The following CUX1 variants were observed in gnomAD, a reference collection of about 807,000 sequenced individuals.
CUX1 encodes the protein protein CASP.
A neutral mutation model predicts 158.8 loss-of-function variants in CUX1; 31 were observed. The ratio of observed to expected loss-of-function variants is 0.20; its 90% CI spans 0.15 to 0.26. The LOEUF (loss-of-function observed/expected upper bound fraction) is 0.26. Ranked by LOEUF, CUX1 falls within the 10% of genes least tolerant of loss-of-function variation. The pLI, the probability that CUX1 is intolerant of heterozygous loss-of-function variation, is 1.00. For missense variants in CUX1, 1,589 were observed against 2,014.6 expected (o/e 0.79, Z 4.04); for synonymous variants, 879 against 862.1 (o/e 1.02, Z -0.34).
intron 20 of CUX1, among the ~76,000 whole-genome samples, chr7:102,225,655 G>A (rs1798272814): frequency 6.6e-6 from 1 of 152,180 alleles, no homozygotes; most frequent in Admixed American, 6.5e-5. Flanking sequence ...CTTGAGGCCA[G>A]GAGTTCAGCC....
chr7:102,234,057 C>A lies in CUX1; in HGVS notation c.3439C>A (p.Arg1147Ser). 1 of 1,519,394 alleles carries A rather than the reference C, an allele frequency of 6.6e-7. No homozygotes were observed. The highest frequency in any genetic ancestry group is 8.8e-7 in the Non-Finnish European group (1 of 1,134,086). 94.1% of individuals were successfully genotyped at this position (1,519,394 alleles called of 1,614,324 possible). A position where few individuals can be genotyped will look rare whatever the true frequency, so the allele number is the denominator to read the frequency against. ...EVLTDNNLGQ[R>S]LFGETILGLT... ...TGCTTCTGTTTTCTCTCTAGGCCAGCGCTTATTTGGGGAGACCATCTTAGG... is the reference window on the plus strand; with the variant it reads ...TGCTTCTGTTTTCTCTCTAGGCCAGAGCTTATTTGGGGAGACCATCTTAGG... Residue 1147 changes from arginine to serine, a missense_variant, in exon 22 of 24, where the codon CGC becomes AGC. Coordinates refer to ENST00000292535, the MANE Select transcript of CUX1 (RefSeq NM_181552.4).
intron 2 of CUX1, among the ~76,000 whole-genome samples, chr7:101,986,486 T>C (rs1814310348): frequency 6.6e-6 from 1 of 152,242 alleles, no homozygotes; most frequent in Non-Finnish European, 1.5e-5. Flanking sequence ...CCTGAATGCC[T>C]ATTACAGGCG....
chr7:102,170,325 G>T, intron 9 of CUX1, 121 bp from the exon 10 acceptor site: 1 of 681,948 alleles, frequency 1.5e-6, no homozygotes, highest in South Asian at 2.2e-5. Flanking sequence ...CATTTATTAG[G>T]TTGAGTGTTT....
chr7:102,133,078 A>G (rs1283090685), intron 8 of CUX1, among the ~76,000 whole-genome samples: 2 of 152,154 alleles, frequency 1.3e-5, no homozygotes, highest in African/African-American at 4.8e-5. Context: ...TGCTAAAGTT[A>G]TCTTTCTAAA....
At chr7:101,838,318 C>T (rs1450673419) in intron 1 of CUX1, among the ~76,000 whole-genome samples, 2 of 150,902 alleles carry the variant, frequency 1.3e-5, no homozygotes, top group Non-Finnish European at 3.0e-5. Context: ...TTAGTAGAGA[C>T]GGGCTTTCAC....
chr7:101,837,285 T>TA (rs1178959251), intron 1 of CUX1, among the ~76,000 whole-genome samples: 1 of 152,174 alleles, frequency 6.6e-6, no homozygotes, highest in East Asian at 1.9e-4. Context: ...ATTAAGCAAT[T>TA]ACAATGGTTA....
intron 2 of CUX1, among the ~76,000 whole-genome samples, chr7:101,939,774 CA>C (rs1807467870): frequency 6.6e-6 from 1 of 151,312 alleles, no homozygotes; most frequent in Non-Finnish European, 1.5e-5. Flanking sequence ...CCAGCTGGGG[CA>C]ACATAGTGAG....
intron 2 of CUX1, among the ~76,000 whole-genome samples, chr7:101,970,715 C>A (rs953104340): frequency 1.3e-5 from 2 of 152,044 alleles, no homozygotes; most frequent in African/African-American, 2.4e-5. Context: ...ACGACCATAC[C>A]CGGCTGATTT....
At chr7:102,109,905 TCGTTGAGGGAC>T (rs1830712455) in intron 6 of CUX1, among the ~76,000 whole-genome samples, 2 of 152,248 alleles carry the variant, frequency 1.3e-5, no homozygotes, top group South Asian at 4.1e-4. Flanking sequence ...TCCACAATGA[TCGTTGAGGGAC>T]TGTTCAGTAG....
chr7:102,135,196 G>A (rs192203217), intron 8 of CUX1, among the ~76,000 whole-genome samples: 2 of 152,032 alleles, frequency 1.3e-5, no homozygotes, highest in Non-Finnish European at 2.9e-5. Context: ...GCTAGTGACC[G>A]GAAGCCTTAC....
chr7:102,046,952 G>T (rs1220433229), intron 3 of CUX1, among the ~76,000 whole-genome samples: 1 of 152,130 alleles, frequency 6.6e-6, no homozygotes, highest in East Asian at 1.9e-4. Flanking sequence ...TCGCCAAAGC[G>T]ATCTTGTTGC....
At chr7:101,839,471 G>A (rs1268232441) in intron 1 of CUX1, among the ~76,000 whole-genome samples, 1 of 152,218 alleles carries the variant, frequency 6.6e-6, no homozygotes, top group African/African-American at 2.4e-5. Flanking sequence ...CCACAGTCGT[G>A]AGAGTTTCTT....
intron 2 of CUX1, among the ~76,000 whole-genome samples, chr7:101,999,503 C>T (rs551681201): frequency 3.6e-4 from 55 of 152,118 alleles, no homozygotes; most frequent in Non-Finnish European, 7.4e-4. Flanking sequence ...TCGGTTAAGA[C>T]GACTTTTCTT....
intron 16 of CUX1, chr7:102,275,206 A>G: frequency 6.7e-7 from 1 of 1,494,422 alleles, no homozygotes; most frequent in Middle Eastern, 1.8e-4. Context: ...GCTGGGTTCC[A>G]CCTCCTGCCA....
At chr7:101,944,662 C>T (rs1373038944) in intron 2 of CUX1, among the ~76,000 whole-genome samples, 1 of 152,236 alleles carries the variant, frequency 6.6e-6, no homozygotes, top group Non-Finnish European at 1.5e-5. Flanking sequence ...TGGGTCGTTT[C>T]CTCCGGGCAG....
At chr7:102,026,337 A>C (rs1053296556) in intron 2 of CUX1, among the ~76,000 whole-genome samples, 1 of 152,196 alleles carries the variant, frequency 6.6e-6, no homozygotes, top group Admixed American at 6.5e-5. Context: ...GAATTTTCCA[A>C]ATTTATTTAA....
chr7:102,083,152 C>A (rs1827620120), intron 4 of CUX1, among the ~76,000 whole-genome samples: 1 of 147,202 alleles, frequency 6.8e-6, no homozygotes, highest in Admixed American at 6.9e-5. Context: ...TCTTCTGTTT[C>A]ATCGGTTATT....
chr7:102,259,842 C>T (rs1790259468), downstream of CUX1, among the ~76,000 whole-genome samples: 1 of 151,602 alleles, frequency 6.6e-6, no homozygotes, highest in Admixed American at 6.6e-5. Flanking sequence ...CCTATAGGCC[C>T]AGCACTTTGG....
chr7:102,056,013 T>C (rs1304518347), intron 3 of CUX1, among the ~76,000 whole-genome samples: 1 of 152,186 alleles, frequency 6.6e-6, no homozygotes, highest in Admixed American at 6.5e-5. Flanking sequence ...TGGGTCTTAA[T>C]TGTCTCAAGC....
Sources: allele counts gnomAD v4.1 joint callset (sites outside exome capture counted in the v4.1 genomes callset), GRCh38; gene constraint gnomAD v4.1.1; transcripts MANE v1.5; gene names NCBI Gene and HGNC (gene_info 2026-07-23, HGNC 2026-07-21).